Variants in CNTNAP5 observed in about 807,000 individuals in gnomAD.
The protein encoded by CNTNAP5 is contactin associated protein family member 5, also known as contactin-associated protein-like 5.
A neutral mutation model predicts 150.2 loss-of-function variants in CNTNAP5; 72 were observed. That is an observed-to-expected ratio of 0.48 (90% CI 0.40 to 0.58). The LOEUF (loss-of-function observed/expected upper bound fraction) is 0.58, where lower values mean the gene tolerates loss of function less well. Ranked by LOEUF, CNTNAP5 falls within the 20% of genes least tolerant of loss-of-function variation. The probability of loss-of-function intolerance (pLI) is 0.00; values close to 1 mark genes in which losing one functional copy is unlikely to be tolerated. For synonymous variants in CNTNAP5, 672 were observed against 619.8 expected, an observed-to-expected ratio of 1.08 and a Z score of -1.25; for missense variants, 1,636 against 1,626.2, an observed-to-expected ratio of 1.01 and a Z score of -0.10.
chr2:124,216,388 T>C (rs949465862), intron 1 of CNTNAP5, among the ~76,000 whole-genome samples: 1 of 152,202 alleles, frequency 6.6e-6, no homozygotes, highest in African/African-American at 2.4e-5. Context: ...AAAATTCTTT[T>C]TTTTAAAATT....
chr2:124,909,830 T>G (rs1254749062), intron 22 of CNTNAP5, among the ~76,000 whole-genome samples: 47 of 122,340 alleles, frequency 3.8e-4, no homozygotes, highest in African/African-American at 1.4e-3. Flanking sequence ...TGGTGACATA[T>G]ATATATATAT....
At chr2:124,389,614 C>A (rs1691057750) in intron 3 of CNTNAP5, among the ~76,000 whole-genome samples, 1 of 152,172 alleles carries the variant, frequency 6.6e-6, no homozygotes, top group Admixed American at 6.5e-5. Context: ...CTGCCTTCCA[C>A]AAGTAGTAGA....
intron 1 of CNTNAP5, among the ~76,000 whole-genome samples, chr2:124,050,191 G>T (rs1251025504): frequency 1.3e-5 from 2 of 152,158 alleles, no homozygotes; most frequent in African/African-American, 4.8e-5. Context: ...GGCTGGGCAT[G>T]GTGGCTTATG....
intron 10 of CNTNAP5, among the ~76,000 whole-genome samples, chr2:124,549,621 A>G (rs561129437): frequency 6.6e-6 from 1 of 152,156 alleles, no homozygotes; most frequent in African/African-American, 2.4e-5. Context: ...GATTCACACA[A>G]ATAAGCTGCC....
chr2:124,878,169 G>A (rs915192788), intron 21 of CNTNAP5, among the ~76,000 whole-genome samples: 2 of 152,024 alleles, frequency 1.3e-5, no homozygotes, highest in African/African-American at 2.4e-5. Flanking sequence ...AGACTTAATG[G>A]GCTTAAAAGT....
intron 18 of CNTNAP5, among the ~76,000 whole-genome samples, chr2:124,795,159 C>T (rs911347500): frequency 1.3e-5 from 2 of 152,164 alleles, no homozygotes; most frequent in Non-Finnish European, 2.9e-5. Flanking sequence ...GTACTTTCTT[C>T]CAATCCTTTC....
chr2:124,158,752 G>C (rs1340992867), intron 1 of CNTNAP5, among the ~76,000 whole-genome samples: 1 of 152,130 alleles, frequency 6.6e-6, no homozygotes, highest in African/African-American at 2.4e-5. Context: ...ATAGATTGTT[G>C]CCTTTCTAGG....
At chr2:124,389,006 T>C (rs1339278338) in intron 3 of CNTNAP5, among the ~76,000 whole-genome samples, 2 of 152,192 alleles carry the variant, frequency 1.3e-5, no homozygotes, top group East Asian at 3.9e-4. Flanking sequence ...GGCTGAACGA[T>C]GTCAACAGGA....
intron 3 of CNTNAP5, among the ~76,000 whole-genome samples, chr2:124,244,212 G>C (rs897753758): frequency 6.6e-6 from 1 of 152,138 alleles, no homozygotes; most frequent in Non-Finnish European, 1.5e-5. Flanking sequence ...GGGGCACAAA[G>C]CCTCTTTCAC....
At chr2:124,601,580 C>G (rs1036161531) in intron 11 of CNTNAP5, among the ~76,000 whole-genome samples, 1 of 151,926 alleles carries the variant, frequency 6.6e-6, no homozygotes, top group Non-Finnish European at 1.5e-5. Flanking sequence ...CTATACGGAG[C>G]AAAGAAAGGA....
chr2:124,468,889 C>A (rs1693441695), intron 6 of CNTNAP5, among the ~76,000 whole-genome samples: 1 of 152,216 alleles, frequency 6.6e-6, no homozygotes, highest in Non-Finnish European at 1.5e-5. Flanking sequence ...GTTGCCTCTT[C>A]CTCAGCCTTT....
At chr2:124,500,853 T>C (rs1694262867) in intron 7 of CNTNAP5, among the ~76,000 whole-genome samples, 2 of 152,132 alleles carry the variant, frequency 1.3e-5, no homozygotes, top group African/African-American at 4.8e-5. Context: ...AGACCTACAC[T>C]TGGCGGGACC....
chr2:124,895,398 G>A (rs1177843705), intron 21 of CNTNAP5, among the ~76,000 whole-genome samples: 2 of 151,508 alleles, frequency 1.3e-5, no homozygotes, highest in African/African-American at 4.9e-5. Context: ...TTCTAAGGTG[G>A]GAGGATTGCT....
chr2:124,283,492 T>C (rs1205411409), intron 3 of CNTNAP5, among the ~76,000 whole-genome samples: 5 of 152,144 alleles, frequency 3.3e-5, no homozygotes, highest in African/African-American at 7.2e-5. Context: ...CTGTGAGTTG[T>C]GGACTCTTGT....
At chr2:124,856,307 G>T (rs1469829428) in intron 19 of CNTNAP5, among the ~76,000 whole-genome samples, 1 of 152,166 alleles carries the variant, frequency 6.6e-6, no homozygotes, top group East Asian at 1.9e-4. Flanking sequence ...ACATGCGTGT[G>T]CAAGTATCTT....
chr2:124,670,904 A>G (rs1277750702), intron 13 of CNTNAP5, among the ~76,000 whole-genome samples: 3 of 152,080 alleles, frequency 2.0e-5, no homozygotes, highest in Non-Finnish European at 4.4e-5. Flanking sequence ...TTATTTTCAT[A>G]TGATATAATT....
chr2:124,262,628 TA>T (rs1429493570), intron 3 of CNTNAP5, among the ~76,000 whole-genome samples: 1 of 151,826 alleles, frequency 6.6e-6, no homozygotes, highest in Admixed American at 6.6e-5. Flanking sequence ...GAGGACAAAA[TA>T]GAATTTTTCC....
chr2:124,249,210 A>G (rs889622435), intron 3 of CNTNAP5, among the ~76,000 whole-genome samples: 1 of 152,134 alleles, frequency 6.6e-6, no homozygotes, highest in Non-Finnish European at 1.5e-5. Context: ...TGGCATAACA[A>G]GGAAGAAAAT....
At chr2:124,808,704 CTG>C (rs1682135978) in intron 19 of CNTNAP5, among the ~76,000 whole-genome samples, 1 of 152,060 alleles carries the variant, frequency 6.6e-6, no homozygotes, top group Admixed American at 6.5e-5. Context: ...TATGAACTCA[CTG>C]TGGGAAATTG....
Sources: gnomAD v4.1 joint callset for allele counts (sites outside exome capture counted in the v4.1 genomes callset) on GRCh38, gnomAD v4.1.1 for gene constraint, MANE v1.5 for transcripts, NCBI Gene and HGNC (gene_info 2026-07-23, HGNC 2026-07-21) for gene names.